The following TNR variants were observed in gnomAD, a reference collection of about 807,000 sequenced individuals.
The protein encoded by TNR is tenascin R.
In TNR, 45 loss-of-function variants were observed where a neutral mutation model predicts 150.4. The observed-to-expected ratio is 0.30, with a 90% confidence interval of 0.24 to 0.38. The LOEUF (loss-of-function observed/expected upper bound fraction) is 0.38. TNR is among the 10% of genes least tolerant of loss of function. TNR has a pLI of 1.00. For synonymous variants in TNR, 687 were observed against 678.4 expected (o/e 1.01, Z -0.20); for missense variants, 1,544 against 1,759.1 (o/e 0.88, Z 2.19).
chr1:175,563,763 G>A (rs1661525892), intron 1 of TNR, among the ~76,000 whole-genome samples: 1 of 152,222 alleles, frequency 6.6e-6, no homozygotes, highest in Non-Finnish European at 1.5e-5. Context: ...AGCTGTGAGT[G>A]CTGGTATTGT....
At chr1:175,455,378 T>G (rs1470254665) in intron 2 of TNR, among the ~76,000 whole-genome samples, 2 of 152,248 alleles carry the variant, frequency 1.3e-5, no homozygotes, top group East Asian at 3.8e-4. Context: ...TTAATGTGCA[T>G]TTTAAATGAA....
chr1:175,417,628 A>G (rs1654558408), intron 2 of TNR, among the ~76,000 whole-genome samples: 1 of 152,168 alleles, frequency 6.6e-6, no homozygotes, highest in Non-Finnish European at 1.5e-5. Context: ...TAAATGTAGG[A>G]ACTGATTGCT....
chr1:175,345,513 A>G (rs567676480), intron 18 of TNR, among the ~76,000 whole-genome samples: 1 of 152,354 alleles, frequency 6.6e-6, no homozygotes, highest in African/African-American at 2.4e-5. Context: ...TAAAAATCAA[A>G]TAAATAAAAA....
intron 2 of TNR, among the ~76,000 whole-genome samples, chr1:175,474,537 C>A (rs1212854992): frequency 6.6e-6 from 1 of 152,230 alleles, no homozygotes; most frequent in Non-Finnish European, 1.5e-5. Flanking sequence ...TTTGTTATGG[C>A]AGCCTGAGCA....
intron 1 of TNR, among the ~76,000 whole-genome samples, chr1:175,626,722 G>A (rs1231180019): frequency 6.6e-6 from 1 of 152,056 alleles, no homozygotes; most frequent in Admixed American, 6.6e-5. Flanking sequence ...TTCAATGCTG[G>A]GCCCCAGAAG....
intron 1 of TNR, among the ~76,000 whole-genome samples, chr1:175,738,861 T>A (rs1304700192): frequency 1.3e-5 from 2 of 152,192 alleles, no homozygotes; most frequent in South Asian, 2.1e-4. Flanking sequence ...CTTAAGGAGA[T>A]GAAACTCTAG....
intron 2 of TNR, among the ~76,000 whole-genome samples, chr1:175,499,867 G>A (rs187004330): frequency 1.3e-5 from 2 of 152,214 alleles, no homozygotes; most frequent in East Asian, 1.9e-4. Context: ...AATCTACTAC[G>A]TAACTACTGT....
intron 2 of TNR, among the ~76,000 whole-genome samples, chr1:175,511,264 T>A (rs113045634): frequency 6.6e-6 from 1 of 152,242 alleles, no homozygotes; most frequent in African/African-American, 2.4e-5. Context: ...ATAAAGCATG[T>A]CAAATATTTG....
chr1:175,543,121 G>A (rs1197573914), intron 1 of TNR, among the ~76,000 whole-genome samples: 1 of 152,166 alleles, frequency 6.6e-6, no homozygotes, highest in East Asian at 1.9e-4. Flanking sequence ...TGCAAAGTTA[G>A]TAGCTGGTTC....
chr1:175,426,901 ATATAT>A (rs1385167878), intron 2 of TNR, among the ~76,000 whole-genome samples: 1 of 81,258 alleles, frequency 1.2e-5, no homozygotes, highest in Non-Finnish European at 2.3e-5. Flanking sequence ...TATATATAAA[ATATAT>A]TATATATATA....
At position 175,324,506 on chromosome 1, in the gene TNR, G is replaced by A. The variant is rs1649248133; in HGVS notation, c.3807C>T (p.Ser1269=). 6.2e-7 allele frequency: 1 copy of A among 1,613,734 alleles called. No individual in the cohort carries two copies. Among genetic ancestry groups the A allele is most frequent in the Non-Finnish European group, 8.5e-7 (1 of 1,179,810 alleles). Residue 1269 remains serine, a synonymous_variant, in exon 22 of 23, where the codon AGC becomes AGT. Coordinates refer to ENST00000367674, the MANE Select transcript of TNR (RefSeq NM_003285.3). ...TGGAGAAAGGGCGTCCTTGATGATA[G>A]CTGAGGGAGTCCCCTGCAAAAAAGA... The part of the protein sequence containing the change: ...SYNGTAGDSL[S]YHQGRPFSTE...
chr1:175,700,569 G>A (rs1248027499), intron 1 of TNR, among the ~76,000 whole-genome samples: 1 of 152,154 alleles, frequency 6.6e-6, no homozygotes, highest in Non-Finnish European at 1.5e-5. Context: ...TGCCTTTGGA[G>A]ACGGTGCACC....
At chr1:175,605,375 T>C (rs957598209) in intron 1 of TNR, among the ~76,000 whole-genome samples, 13 of 152,204 alleles carry the variant, frequency 8.5e-5, no homozygotes, top group African/African-American at 3.1e-4. Flanking sequence ...GGGTCAATAT[T>C]GGCACTTTAA....
chr1:175,638,465 T>G lies in TNR; in HGVS notation c.-165+104761A>C, dbSNP rs78686751. On this transcript the variant is annotated intron_variant, in intron 1 of 22. Coordinates refer to ENST00000367674, the MANE Select transcript of TNR (RefSeq NM_003285.3). ...TTCCTTCGGATGGCTTCGCGGTAAG[T>G]GGGCACTCGTGCATATGGCTTCAGG... Among the ~76,000 whole-genome samples, 157 of 152,284 alleles carry G rather than the reference T, an allele frequency of 1.0e-3. No individual in the cohort carries two copies. The East Asian group carries it at 0.024, about 23-fold the overall frequency.
At chr1:175,392,996 A>T (rs1653251984) in intron 6 of TNR, among the ~76,000 whole-genome samples, 1 of 152,200 alleles carries the variant, frequency 6.6e-6, no homozygotes, top group Non-Finnish European at 1.5e-5. Flanking sequence ...ATGAATGGCT[A>T]AAAAATGTTC....
chr1:175,595,629 TC>T (rs1662978153), intron 1 of TNR, among the ~76,000 whole-genome samples: 1 of 152,226 alleles, frequency 6.6e-6, no homozygotes, highest in Non-Finnish European at 1.5e-5. Context: ...TCCCATCTTT[TC>T]TGTTTTAAGT....
chr1:175,674,191 G>A (rs932839129), intron 1 of TNR, among the ~76,000 whole-genome samples: 1 of 152,168 alleles, frequency 6.6e-6, no homozygotes, highest in Admixed American at 6.5e-5. Flanking sequence ...AGTCCTACCT[G>A]GGGAAAAGTT....
intron 1 of TNR, among the ~76,000 whole-genome samples, chr1:175,558,185 G>C (rs527546744): frequency 2.4e-3 from 340 of 142,348 alleles, no homozygotes; most frequent in Non-Finnish European, 4.0e-3. Context: ...TGACGAGTTA[G>C]TGGGTGCAGC....
chr1:175,539,951 G>T (rs999166475), intron 1 of TNR, among the ~76,000 whole-genome samples: 9 of 152,142 alleles, frequency 5.9e-5, no homozygotes, highest in African/African-American at 1.9e-4. Context: ...GACATCAAAA[G>T]GAGAGAGGAG....
Sources: allele counts gnomAD v4.1 joint callset (sites outside exome capture counted in the v4.1 genomes callset), GRCh38; gene constraint gnomAD v4.1.1; transcripts MANE v1.5; gene names NCBI Gene and HGNC (gene_info 2026-07-23, HGNC 2026-07-21).